The following RANBP2 variants were observed in gnomAD, a reference collection of about 807,000 sequenced individuals.
RANBP2 encodes RAN binding protein 2.
RANBP2 carries 57 observed loss-of-function variants against 303.6 expected under a neutral mutation model. That is an observed-to-expected ratio of 0.19 (90% CI 0.15 to 0.23). The LOEUF (loss-of-function observed/expected upper bound fraction) is 0.23, where lower values mean the gene tolerates loss of function less well. Among genes scored for constraint, RANBP2 ranks in the 10% least tolerant of loss-of-function variants. The pLI, the probability that RANBP2 is intolerant of heterozygous loss-of-function variation, is 1.00. For synonymous variants in RANBP2, 1,167 were observed against 1,301.5 expected (o/e 0.90, Z 2.23); for missense variants, 3,138 against 3,780.8 (o/e 0.83, Z 4.46).
chr2:109,002,366 C>A, the RANBP2 span, among the ~76,000 whole-genome samples: 2 of 152,190 alleles, frequency 1.3e-5, no homozygotes, highest in Admixed American at 6.5e-5. Flanking sequence ...ACCACACTTG[C>A]CTCCTTCTCA....
the RANBP2 span, among the ~76,000 whole-genome samples, chr2:109,271,628 G>A: frequency 6.6e-6 from 1 of 152,224 alleles, no homozygotes. Context: ...GAGGCCCCGT[G>A]TGGTTCCCAG....
the RANBP2 span, among the ~76,000 whole-genome samples, chr2:109,703,746 T>C: frequency 6.6e-6 from 1 of 152,210 alleles, no homozygotes; most frequent in Non-Finnish European, 1.5e-5. Context: ...TGTATTTTAA[T>C]TTTACTTCAC....
At chr2:109,590,256 T>G in the RANBP2 span, among the ~76,000 whole-genome samples, 4 of 151,918 alleles carry the variant, frequency 2.6e-5, no homozygotes, top group African/African-American at 9.7e-5. Context: ...TCTCAGATGG[T>G]CGCTAACACC....
At chr2:109,416,489 A>G in the RANBP2 span, among the ~76,000 whole-genome samples, 2 of 152,152 alleles carry the variant, frequency 1.3e-5, no homozygotes, top group South Asian at 2.1e-4. Context: ...GGTTCAAGCA[A>G]TTTTCCTGCC....
the RANBP2 span, chr2:109,564,198 A>T: frequency 5.6e-6 from 3 of 532,462 alleles, no homozygotes; most frequent in East Asian, 1.0e-4. Context: ...CAAAAGCAAG[A>T]AGGAGTCAAG....
chr2:109,352,972 C>G, the RANBP2 span, among the ~76,000 whole-genome samples: 1 of 152,268 alleles, frequency 6.6e-6, no homozygotes, highest in Admixed American at 6.5e-5. Flanking sequence ...GTGAGCTCCT[C>G]TCCATGGGCA....
chr2:109,544,250 G>A, the RANBP2 span: 3 of 1,589,552 alleles, frequency 1.9e-6, no homozygotes, highest in African/African-American at 4.0e-5. Context: ...CACACTTCTA[G>A]TTTTTTTTTA....
At chr2:108,948,367 T>C in the RANBP2 span, among the ~76,000 whole-genome samples, 1 of 152,244 alleles carries the variant, frequency 6.6e-6, no homozygotes, top group Non-Finnish European at 1.5e-5. Context: ...TCAACCTCTG[T>C]CTGTTACTCA....
At chr2:109,150,581 G>A in the RANBP2 span, among the ~76,000 whole-genome samples, 1 of 152,176 alleles carries the variant, frequency 6.6e-6, no homozygotes, top group Admixed American at 6.5e-5. Flanking sequence ...TGTGCAGACG[G>A]GGAAAGTGAG....
chr2:108,810,143 T>C, the RANBP2 span, among the ~76,000 whole-genome samples: 2 of 152,176 alleles, frequency 1.3e-5, no homozygotes, highest in African/African-American at 4.8e-5. Context: ...TTTCTTTTTC[T>C]TGCTTAATTA....
At chr2:108,752,869 A>G (rs1676012090) in intron 12 of RANBP2, 129 bp from the exon 13 acceptor site, 2 of 1,570,774 alleles carry the variant, frequency 1.3e-6, no homozygotes, top group Non-Finnish European at 1.7e-6. Flanking sequence ...TGGAAGTTGA[A>G]CAAATGACTA....
At chr2:109,778,544 C>A in the RANBP2 span, among the ~76,000 whole-genome samples, 2 of 149,636 alleles carry the variant, frequency 1.3e-5, 1 homozygote, top group East Asian at 3.9e-4. Flanking sequence ...AGTAGAATAA[C>A]CTTGGTAATA....
At chr2:109,741,108 TAAC>T in the RANBP2 span, among the ~76,000 whole-genome samples, 1 of 104,992 alleles carries the variant, frequency 9.5e-6, no homozygotes, top group Admixed American at 1.1e-4. Flanking sequence ...CATGAAAAGA[TAAC>T]AACAAACTAA....
At chr2:109,126,542 GAT>G in the RANBP2 span, among the ~76,000 whole-genome samples, 2 of 152,212 alleles carry the variant, frequency 1.3e-5, no homozygotes, top group Non-Finnish European at 2.9e-5. Flanking sequence ...CCATACTAGT[GAT>G]AGAGTTTTAG....
the RANBP2 span, among the ~76,000 whole-genome samples, chr2:108,806,863 G>C: frequency 6.6e-6 from 1 of 152,174 alleles, no homozygotes; most frequent in Admixed American, 6.5e-5. Context: ...AAGGATTAAT[G>C]TTCAAGCTTC....
the RANBP2 span, chr2:109,615,645 A>C: frequency 6.2e-7 from 1 of 1,613,812 alleles, no homozygotes. Context: ...GAGTCGGAGC[A>C]TCGCCGAGGA....
At chr2:109,404,505 C>T in the RANBP2 span, among the ~76,000 whole-genome samples, 1 of 152,096 alleles carries the variant, frequency 6.6e-6, no homozygotes, top group African/African-American at 2.4e-5. Context: ...GGGGCCTAGA[C>T]GGAAGTTTTG....
the RANBP2 span, among the ~76,000 whole-genome samples, chr2:109,368,950 G>A: frequency 1.3e-5 from 2 of 152,062 alleles, no homozygotes; most frequent in African/African-American, 4.8e-5. Context: ...TGCTGGTGGT[G>A]AGCTTGAGAG....
At chr2:109,765,772 C>T in the RANBP2 span, among the ~76,000 whole-genome samples, 1 of 151,134 alleles carries the variant, frequency 6.6e-6, no homozygotes, top group Non-Finnish European at 1.5e-5. Flanking sequence ...CCTAAGGATG[C>T]TGCCCAGTAG....
Sources: allele counts gnomAD v4.1 joint callset (sites outside exome capture counted in the v4.1 genomes callset), GRCh38; gene constraint gnomAD v4.1.1; transcripts MANE v1.5; gene names NCBI Gene and HGNC (gene_info 2026-07-23, HGNC 2026-07-21).